The following CAPN5 variants were observed in gnomAD, a reference collection of about 807,000 sequenced individuals.
CAPN5 encodes the protein calpain-5.
Under a neutral mutation model 73.0 loss-of-function variants are expected in CAPN5, and 54 were observed. The observed-to-expected ratio is 0.74, with a 90% CI of 0.59 to 0.93. The LOEUF (loss-of-function observed/expected upper bound fraction) is 0.93. CAPN5 is among the 40% of genes least tolerant of loss of function. The probability of loss-of-function intolerance (pLI) is 0.00; values close to 1 mark genes in which losing one functional copy is unlikely to be tolerated. For missense variants in CAPN5, 785 were observed against 882.9 expected (o/e 0.89, Z 1.41); for synonymous variants, 335 against 356.9 (o/e 0.94, Z 0.69).
At chr11:77,102,728 A>G in intron 3 of CAPN5, 1 of 1,263,688 alleles carries the variant, frequency 7.9e-7, no homozygotes. Context: ...AGGGAGGGGA[A>G]GAGGGAAGGG....
intron 2 of CAPN5, among the ~76,000 whole-genome samples, chr11:77,090,353 C>T (rs1047274267): frequency 2.6e-5 from 4 of 152,222 alleles, no homozygotes; most frequent in Admixed American, 2.6e-4. Flanking sequence ...GGAATCGTGA[C>T]TCCCAAGCTC....
chr11:77,108,244 C>T (rs1950371551), intron 3 of CAPN5, among the ~76,000 whole-genome samples: 1 of 152,304 alleles, frequency 6.6e-6, no homozygotes, highest in South Asian at 2.1e-4. Flanking sequence ...AGACTTGGCC[C>T]CTGTCCCCAA....
In CAPN5 at chr11:77,121,474, G is replaced by A. The variant is rs189587886; in HGVS notation, c.1488-460G>A. Among the ~76,000 whole-genome samples the A allele has an allele frequency of 1.4e-3, 214 of 152,386 alleles. 1 individual carries two copies. The highest frequency in any genetic ancestry group is 0.012 in the Admixed American group (190 of 15,308). The stretch of plus-strand genomic sequence containing the variant: ...TGAAGGACAGGTGAGCTCTGCCCAC[G>A]TGCCAGAGCCAGGAGGCAGCTTGTG... On this transcript the variant is annotated intron_variant, in intron 10 of 12. Coordinates refer to ENST00000648180, the MANE Select transcript of CAPN5 (RefSeq NM_004055.5).
intron 3 of CAPN5, among the ~76,000 whole-genome samples, chr11:77,094,474 G>A (rs989278565): frequency 2.6e-5 from 4 of 152,246 alleles, no homozygotes; most frequent in Non-Finnish European, 5.9e-5. Flanking sequence ...GCACTTGGCA[G>A]CAGGGCCTTA....
intron 2 of CAPN5, among the ~76,000 whole-genome samples, chr11:77,086,546 G>A (rs1555035572): frequency 1.3e-5 from 2 of 152,220 alleles, no homozygotes; most frequent in Non-Finnish European, 2.9e-5. Flanking sequence ...AGGCCCAGGA[G>A]CCTCCTGGCC....
At chr11:77,067,326 G>T (rs1195382160) in intron 1 of CAPN5, among the ~76,000 whole-genome samples, 2 of 112,894 alleles carry the variant, frequency 1.8e-5, no homozygotes, top group African/African-American at 5.4e-5. Flanking sequence ...CACCCCCGGC[G>T]AGGAGTCTTT....
intron 3 of CAPN5, among the ~76,000 whole-genome samples, chr11:77,104,352 T>C (rs11237090): frequency 0.26 from 39,527 of 152,096 alleles, 5,384 homozygotes; most frequent in South Asian, 0.34. Flanking sequence ...GGAAGGCAAG[T>C]GCTTCGTCCT....
chr11:77,096,409 C>T (rs146775175), intron 3 of CAPN5, among the ~76,000 whole-genome samples: 48 of 152,252 alleles, frequency 3.2e-4, no homozygotes, highest in Admixed American at 7.8e-4. Context: ...TTAAAGGGGC[C>T]GGAGGAAGGC....
In CAPN5 at chr11:77,116,209, C is replaced by T. The variant is rs370028458; in HGVS notation, c.894-17C>T. The T allele has an allele frequency of 1.1e-4, 182 of 1,603,228 alleles. No individual in the cohort carries two copies. The highest frequency in any genetic ancestry group is 3.9e-4 in the Admixed American group (23 of 58,578). Reference sequence around the variant, plus strand: ...CTTAGACAGCTCCCTTTCTCCTCCCCGGCCCTGACACCCCAGCTCGGAGGA... The same window carrying T: ...CTTAGACAGCTCCCTTTCTCCTCCCTGGCCCTGACACCCCAGCTCGGAGGA... On this transcript the variant is annotated splice_polypyrimidine_tract_variant and intron_variant, in intron 6 of 12. Transcript: ENST00000648180.
chr11:77,067,354 G>C (rs1949854598), intron 1 of CAPN5, among the ~76,000 whole-genome samples: 1 of 151,856 alleles, frequency 6.6e-6, no homozygotes, highest in South Asian at 2.1e-4. Flanking sequence ...CTCCCTCTGG[G>C]TGTCTCCGAG....
chr11:77,086,636 C>T (rs1462812209), intron 2 of CAPN5, among the ~76,000 whole-genome samples: 1 of 152,194 alleles, frequency 6.6e-6, no homozygotes, highest in Non-Finnish European at 1.5e-5. Context: ...GGGAGGGAGG[C>T]CTTGGCCTCA....
chr11:77,120,979 C>A, intron 10 of CAPN5, 70 bp downstream of exon 10: 1 of 1,449,670 alleles, frequency 6.9e-7, no homozygotes, highest in Non-Finnish European at 9.5e-7. Flanking sequence ...CAGGAACCTG[C>A]AGCCTCAGAG....
At chr11:77,098,093 C>T (rs1398347347) in intron 3 of CAPN5, among the ~76,000 whole-genome samples, 3 of 74,276 alleles carry the variant, frequency 4.0e-5, no homozygotes, top group African/African-American at 8.3e-5. Context: ...GCTGGCCGGG[C>T]GGGGGGCTGA....
At chr11:77,070,457 T>C (rs1317126745) in intron 1 of CAPN5, among the ~76,000 whole-genome samples, 1 of 152,230 alleles carries the variant, frequency 6.6e-6, no homozygotes, top group Non-Finnish European at 1.5e-5. Context: ...CCCAAGTGAT[T>C]TGTTACTCAT....
chr11:77,071,633 G>C, intron 1 of CAPN5: 2 of 454,470 alleles, frequency 4.4e-6, no homozygotes, highest in South Asian at 3.1e-5. Context: ...AGCACAAAGA[G>C]GTTAACTGCT....
chr11:77,071,831 C>T, intron 1 of CAPN5: 1 of 308,306 alleles, frequency 3.2e-6, no homozygotes, highest in East Asian at 8.1e-5. Flanking sequence ...GGAAGTGCTG[C>T]TTGCCCAGAG....
chr11:77,078,646 G>A (rs187714180), intron 1 of CAPN5, among the ~76,000 whole-genome samples: 14 of 152,196 alleles, frequency 9.2e-5, no homozygotes, highest in African/African-American at 3.4e-4. Context: ...TCTGTAGATT[G>A]TTTTGGGTAG....
rs1555036992 is a variant in CAPN5, at chr11:77,093,699, C to T, written c.183C>T (p.Pro61=). ...WKRPKGICED[P]RLFVDGISSH... is the part of the protein sequence containing the mutation. ...CTCCGCAGGGCATCTGCGAGGACCCCCGCCTCTTTGTGGATGGCATCAGCT... is the reference window on the plus strand; with the variant it reads ...CTCCGCAGGGCATCTGCGAGGACCCTCGCCTCTTTGTGGATGGCATCAGCT... The change falls in exon 3 of 13, where the codon CCC becomes CCT. Residue 61 remains proline (P), a synonymous_variant. Coordinates refer to ENST00000648180, the MANE Select transcript of CAPN5 (RefSeq NM_004055.5). 3.7e-6 allele frequency: 6 copies of T among 1,603,026 alleles called. No homozygotes were observed. The highest frequency in any genetic ancestry group is 2.2e-5 in the South Asian group (2 of 89,642).
chr11:77,115,513 A>T lies in CAPN5; in HGVS notation c.818A>T (p.Lys273Met). 1 of 1,613,386 alleles carries T rather than the reference A, an allele frequency of 6.2e-7. No individual in the cohort carries two copies. The highest frequency in any genetic ancestry group is 8.5e-7 in the Non-Finnish European group (1 of 1,180,008). ...RLGHGLLAFFKSEKLDMIRLR... is the reference protein window; with the variant it reads ...RLGHGLLAFFMSEKLDMIRLR... ...GGCCACGGCCTACTGGCCTTCTTCAAGTCAGAGAAGTTGGACATGATCCGC... is the reference window on the plus strand; with the variant it reads ...GGCCACGGCCTACTGGCCTTCTTCATGTCAGAGAAGTTGGACATGATCCGC... Residue 273 changes from lysine (K) to methionine (M), a missense_variant, in exon 6 of 13, where the codon AAG becomes ATG. Physicochemically the swap from Lys to Met is moderately conservative, Grantham distance 95. Transcript: ENST00000648180.
Sources: gnomAD v4.1 joint callset for allele counts (sites outside exome capture counted in the v4.1 genomes callset) on GRCh38, gnomAD v4.1.1 for gene constraint, MANE v1.5 for transcripts, NCBI Gene and HGNC (gene_info 2026-07-23, HGNC 2026-07-21) for gene names.